Variants in RBMS1 observed in about 807,000 individuals in gnomAD.
RBMS1 encodes the protein RNA-binding motif, single-stranded-interacting protein 1.
RBMS1 carries 17 observed loss-of-function variants against 62.3 expected under a neutral mutation model. The observed-to-expected ratio is 0.27, with a 90% CI of 0.19 to 0.41. The LOEUF (loss-of-function observed/expected upper bound fraction) is 0.41, where lower values mean the gene tolerates loss of function less well. Ranked by LOEUF, RBMS1 falls within the 10% of genes least tolerant of loss-of-function variation. The pLI, the probability that RBMS1 is intolerant of heterozygous loss-of-function variation, is 1.00. For missense variants in RBMS1, 334 were observed against 504.5 expected (o/e 0.66, Z 3.24); for synonymous variants, 172 against 170.0 (o/e 1.01, Z -0.09).
intron 2 of RBMS1, among the ~76,000 whole-genome samples, chr2:160,353,264 T>C (rs1692616670): frequency 6.6e-6 from 1 of 152,098 alleles, no homozygotes. Context: ...TTTTTAAAAC[T>C]ACACTTGCTG....
At chr2:160,344,099 C>T (rs1214922112) in intron 2 of RBMS1, among the ~76,000 whole-genome samples, 1 of 152,074 alleles carries the variant, frequency 6.6e-6, no homozygotes, top group South Asian at 2.1e-4. Context: ...GCAGCTGCTA[C>T]CTTTTAAATG....
In RBMS1 at chr2:160,492,906, AG is replaced by A. The variant is rs1439687910; in HGVS notation, c.75+382del. On this transcript the variant is annotated intron_variant, in intron 1 of 13. Coordinates refer to ENST00000348849, the MANE Select transcript of RBMS1 (RefSeq NM_016836.4). ...GCTTACAGGGCGAGGCCCTTGGAGA[AG>A]GGGTCGAAAAGCCGGGCCACCAGCG... 4 of 191,200 alleles carry A rather than the reference AG, an allele frequency of 2.1e-5. No homozygotes were observed. In the South Asian group the frequency reaches 3.7e-4, roughly 18 times the overall value. 11.8% of individuals were successfully genotyped at this position (191,200 alleles called of 1,614,324 possible).
At chr2:160,276,037 G>A (rs1687816328) in intron 12 of RBMS1, among the ~76,000 whole-genome samples, 2 of 152,316 alleles carry the variant, frequency 1.3e-5, no homozygotes, top group South Asian at 4.1e-4. Context: ...AATCTGAAAT[G>A]TGGTATGCAT....
At chr2:160,314,787 G>C (rs1160563809) in intron 3 of RBMS1, among the ~76,000 whole-genome samples, 1 of 152,120 alleles carries the variant, frequency 6.6e-6, no homozygotes, top group African/African-American at 2.4e-5. Context: ...GGTTGATCTA[G>C]GTAAAACAAA....
intron 1 of RBMS1, among the ~76,000 whole-genome samples, chr2:160,372,276 T>C (rs540237192): frequency 1.3e-5 from 2 of 152,110 alleles, no homozygotes; most frequent in African/African-American, 4.8e-5. Context: ...TTTCTTCAAG[T>C]CTTCTTTAAA....
intron 1 of RBMS1, among the ~76,000 whole-genome samples, chr2:160,424,658 T>C (rs530787048): frequency 3.3e-5 from 5 of 152,338 alleles, no homozygotes; most frequent in Admixed American, 3.3e-4. Context: ...TTAAAAACTT[T>C]ATATGATTAA....
chr2:160,321,644 T>C (rs1690566703), intron 2 of RBMS1, among the ~76,000 whole-genome samples: 1 of 152,172 alleles, frequency 6.6e-6, no homozygotes, highest in African/African-American at 2.4e-5. Context: ...TTCAATATTA[T>C]CTCAAACATG....
Position 160,395,207 on chromosome 2 carries a change from G to A in RBMS1, c.76-27816C>T, listed in dbSNP as rs1318165557. 3.3e-5 allele frequency among the ~76,000 whole-genome samples: 5 copies of A among 152,262 alleles called. No homozygotes were observed. In the East Asian group the frequency reaches 9.6e-4, roughly 29 times the overall value. On this transcript the variant is annotated intron_variant, in intron 1 of 13. Coordinates refer to ENST00000348849, the MANE Select transcript of RBMS1 (RefSeq NM_016836.4). Reference sequence around the variant, plus strand: ...ATACTACATAGTATGTAGTGTTTCCGAAGTTTCTTTGTAAAATGAGTATTT... The same window carrying A: ...ATACTACATAGTATGTAGTGTTTCCAAAGTTTCTTTGTAAAATGAGTATTT...
intron 1 of RBMS1, among the ~76,000 whole-genome samples, chr2:160,375,261 A>G (rs1401862659): frequency 6.6e-6 from 1 of 152,206 alleles, no homozygotes; most frequent in Admixed American, 6.5e-5. Context: ...AACTTCTGTG[A>G]CATCGTGCAA....
intron 6 of RBMS1, among the ~76,000 whole-genome samples, chr2:160,290,988 C>T (rs1301184212): frequency 2.0e-5 from 3 of 152,164 alleles, no homozygotes; most frequent in Non-Finnish European, 4.4e-5. Flanking sequence ...AAACTTAACT[C>T]TACAGTGATT....
At chr2:160,480,679 T>C (rs1467697956) in intron 1 of RBMS1, among the ~76,000 whole-genome samples, 4 of 152,148 alleles carry the variant, frequency 2.6e-5, no homozygotes, top group Non-Finnish European at 4.4e-5. Flanking sequence ...TCCTAGCAGA[T>C]TTATTTTTAT....
At chr2:160,356,050 T>C (rs1692781566) in intron 2 of RBMS1, among the ~76,000 whole-genome samples, 1 of 152,128 alleles carries the variant, frequency 6.6e-6, no homozygotes, top group Admixed American at 6.6e-5. Context: ...TGCCCATTAT[T>C]TTCTAAAGCA....
intron 1 of RBMS1, among the ~76,000 whole-genome samples, chr2:160,377,052 G>C (rs78661472): frequency 0.021 from 3,216 of 151,768 alleles, 121 homozygotes; most frequent in African/African-American, 0.072. Flanking sequence ...AGAGATGGCT[G>C]TCTCTAAGCT....
At chr2:160,443,100 G>T (rs1031228016) in intron 1 of RBMS1, among the ~76,000 whole-genome samples, 1 of 151,922 alleles carries the variant, frequency 6.6e-6, no homozygotes, top group African/African-American at 2.4e-5. Context: ...CAACTACTTG[G>T]GAGGCTGAGG....
intron 1 of RBMS1, among the ~76,000 whole-genome samples, chr2:160,377,522 G>A (rs570994982): frequency 5.3e-5 from 8 of 152,334 alleles, no homozygotes; most frequent in African/African-American, 1.9e-4. Context: ...AATTTGGGAA[G>A]GGCCCCCTTC....
chr2:160,297,116 AGACTTGCT>A (rs1209893328), intron 6 of RBMS1, among the ~76,000 whole-genome samples: 3 of 152,216 alleles, frequency 2.0e-5, no homozygotes, highest in Non-Finnish European at 2.9e-5. Flanking sequence ...GGCTCAAAGA[AGACTTGCT>A]GATCTGGGAT....
Position 160,307,361 on chromosome 2 carries a change from G to GAAAAA in RBMS1, c.403-3879_403-3875dup, listed in dbSNP as rs762396045. ...CTGCTCGTGTGACTGCCTATTTATT[G>GAAAAA]AAAAAAAAAAAAAAAAAAAAAGTGT... On this transcript the variant is annotated intron_variant, in intron 4 of 13. Coordinates refer to ENST00000348849, the MANE Select transcript of RBMS1 (RefSeq NM_016836.4). Among the ~76,000 whole-genome samples the GAAAAA allele has an allele frequency of 2.4e-4, 21 of 85,722 alleles. 1 individual carries two copies. The highest frequency in any genetic ancestry group is 4.7e-4 in the South Asian group (1 of 2,150). The allele number at this position is 85,722 out of a possible 152,430, so 56.2% of individuals were successfully genotyped here.
At chr2:160,417,192 CCTT>C (rs1289239083) in intron 1 of RBMS1, among the ~76,000 whole-genome samples, 4 of 152,074 alleles carry the variant, frequency 2.6e-5, no homozygotes, top group Admixed American at 6.6e-5. Flanking sequence ...ATAATTTTCA[CCTT>C]CTTTTCAAAA....
At chr2:160,386,680 T>C (rs971946246) in intron 1 of RBMS1, among the ~76,000 whole-genome samples, 1 of 151,912 alleles carries the variant, frequency 6.6e-6, no homozygotes, top group African/African-American at 2.4e-5. Context: ...AATACAGCAG[T>C]CAGCAGTCTA....
Sources: gnomAD v4.1 joint callset for allele counts (sites outside exome capture counted in the v4.1 genomes callset) on GRCh38, gnomAD v4.1.1 for gene constraint, MANE v1.5 for transcripts, NCBI Gene and HGNC (gene_info 2026-07-23, HGNC 2026-07-21) for gene names.